The following CAST variants were observed in gnomAD, a reference collection of about 807,000 sequenced individuals.
The protein encoded by CAST is calpastatin.
Under a neutral mutation model 119.6 loss-of-function variants are expected in CAST, and 76 were observed. The observed-to-expected ratio is 0.64, with a 90% CI of 0.53 to 0.77. The LOEUF is 0.77. Ranked by LOEUF, CAST falls within the 30% of genes least tolerant of loss-of-function variation. The probability of loss-of-function intolerance (pLI) is 0.00; values close to 1 mark genes in which losing one functional copy is unlikely to be tolerated. For synonymous variants in CAST, 319 were observed against 331.6 expected (o/e 0.96, Z 0.41); for missense variants, 953 against 946.5 (o/e 1.01, Z -0.09).
At chr5:96,563,156 T>C (rs376174524) in intron 1 of CAST, among the ~76,000 whole-genome samples, 2 of 152,226 alleles carry the variant, frequency 1.3e-5, no homozygotes, top group East Asian at 1.9e-4. Flanking sequence ...ATACTCTTTT[T>C]GCCCCATTAT....
chr5:96,398,908 T>A, the CAST span: 1 of 1,613,726 alleles, frequency 6.2e-7, no homozygotes, highest in Non-Finnish European at 8.5e-7. Context: ...GACATGAAGG[T>A]CTCCTCTTCG....
the CAST span, among the ~76,000 whole-genome samples, chr5:96,088,160 GTACT>G: frequency 6.6e-6 from 1 of 152,142 alleles, no homozygotes; most frequent in Non-Finnish European, 1.5e-5. Flanking sequence ...TTAGTAATGC[GTACT>G]TACTTGTTGT....
chr5:96,216,841 C>T, the CAST span, among the ~76,000 whole-genome samples: 603 of 152,156 alleles, frequency 4.0e-3, 2 homozygotes, highest in African/African-American at 0.013. Context: ...ACAGTTTTCC[C>T]GTCATTCCTT....
chr5:96,647,443 G>A (rs1748028599), intron 1 of CAST, among the ~76,000 whole-genome samples: 1 of 152,070 alleles, frequency 6.6e-6, no homozygotes, highest in Non-Finnish European at 1.5e-5. Context: ...ATACCACCTT[G>A]TGCTGTTCTA....
At chr5:96,483,938 C>T in the CAST span, among the ~76,000 whole-genome samples, 1 of 152,174 alleles carries the variant, frequency 6.6e-6, no homozygotes, top group African/African-American at 2.4e-5. Context: ...CTCTACACCA[C>T]GCAGCCTCTT....
the CAST span, among the ~76,000 whole-genome samples, chr5:96,186,100 C>T: frequency 6.6e-6 from 1 of 151,598 alleles, no homozygotes; most frequent in Non-Finnish European, 1.5e-5. Flanking sequence ...ATATTTTATT[C>T]TTTTTGTAGC....
At chr5:96,747,287 G>C (rs1280520906) in intron 17 of CAST, 58 bp from the exon 18 acceptor site, 4 of 962,404 alleles carry the variant, frequency 4.2e-6, no homozygotes, top group African/African-American at 3.3e-5. Flanking sequence ...CAAACTTGAT[G>C]GGACATGAAA....
chr5:96,084,228 T>G, the CAST span, among the ~76,000 whole-genome samples: 1 of 152,042 alleles, frequency 6.6e-6, no homozygotes, highest in African/African-American at 2.4e-5. Context: ...GGGTGGGTGG[T>G]TACAAGAGAA....
the CAST span, among the ~76,000 whole-genome samples, chr5:96,519,544 C>T: frequency 1.3e-5 from 2 of 152,176 alleles, no homozygotes; most frequent in African/African-American, 2.4e-5. Flanking sequence ...ATGTGACCAC[C>T]TCTATCTAGC....
intron 1 of CAST, among the ~76,000 whole-genome samples, chr5:96,549,969 G>C (rs919637294): frequency 2.6e-5 from 4 of 152,202 alleles, no homozygotes; most frequent in Non-Finnish European, 5.9e-5. Flanking sequence ...TTCCACCTCT[G>C]GGGGCAGGGC....
chr5:96,758,482 T>G (rs1336086868), intron 24 of CAST, among the ~76,000 whole-genome samples: 2 of 152,218 alleles, frequency 1.3e-5, no homozygotes, highest in Non-Finnish European at 2.9e-5. Flanking sequence ...GGGGTCTGGT[T>G]TATCTGTTTA....
At chr5:96,035,041 G>GTATATATATATATATATATA in the CAST span, among the ~76,000 whole-genome samples, 4 of 107,984 alleles carry the variant, frequency 3.7e-5, no homozygotes, top group African/African-American at 1.0e-4. Flanking sequence ...TTGTATTTAA[G>GTATATATATATATATATATA]TATATATATA....
chr5:96,658,836 A>G (rs1321928814), upstream of CAST, among the ~76,000 whole-genome samples: 4 of 152,212 alleles, frequency 2.6e-5, no homozygotes, highest in Admixed American at 2.6e-4. Context: ...TATGCAGTCC[A>G]TAAGTGGCAG....
the CAST span, among the ~76,000 whole-genome samples, chr5:96,001,032 G>C: frequency 3.3e-5 from 5 of 152,098 alleles, no homozygotes; most frequent in African/African-American, 4.8e-5. Flanking sequence ...TTAGAGTTGG[G>C]ACTACCACTA....
At chr5:96,522,830 C>T (rs916406896), upstream of CAST, among the ~76,000 whole-genome samples, 18 of 152,242 alleles carry the variant, frequency 1.2e-4, no homozygotes, top group East Asian at 1.9e-3. Context: ...GTGATCCCAG[C>T]GGATATTTCT....
At chr5:96,527,465 G>T (rs1037090213), upstream of CAST, among the ~76,000 whole-genome samples, 1 of 152,104 alleles carries the variant, frequency 6.6e-6, no homozygotes, top group Non-Finnish European at 1.5e-5. Flanking sequence ...TAAATGTGGG[G>T]TGTCCTGTGG....
the CAST span, among the ~76,000 whole-genome samples, chr5:96,379,291 G>A: frequency 6.6e-6 from 1 of 152,154 alleles, no homozygotes; most frequent in Non-Finnish European, 1.5e-5. Context: ...AAATACTAAT[G>A]AGGGTTAATT....
chr5:96,569,231 C>T (rs1561419364), intron 1 of CAST, among the ~76,000 whole-genome samples: 1 of 152,174 alleles, frequency 6.6e-6, no homozygotes. Flanking sequence ...AATGAGAGAC[C>T]TCCCACTCAT....
At chr5:96,744,526 G>A (rs905609708) in intron 16 of CAST, among the ~76,000 whole-genome samples, 1 of 152,180 alleles carries the variant, frequency 6.6e-6, no homozygotes, top group Non-Finnish European at 1.5e-5. Context: ...CACGACACGT[G>A]GGAATTATGG....
Sources: gnomAD v4.1 joint callset for allele counts (sites outside exome capture counted in the v4.1 genomes callset) on GRCh38, gnomAD v4.1.1 for gene constraint, MANE v1.5 for transcripts, NCBI Gene and HGNC (gene_info 2026-07-23, HGNC 2026-07-21) for gene names.